The following AADAT variants were observed in gnomAD, a reference collection of about 807,000 sequenced individuals.
AADAT encodes kynurenine/alpha-aminoadipate aminotransferase, mitochondrial.
In AADAT, 25 loss-of-function variants were observed where a neutral mutation model predicts 56.2. That is an observed-to-expected ratio of 0.44 (90% CI 0.32 to 0.62). The LOEUF (loss-of-function observed/expected upper bound fraction) is 0.62, where lower values mean the gene tolerates loss of function less well. Ranked by LOEUF, AADAT falls within the 20% of genes least tolerant of loss-of-function variation. The probability of loss-of-function intolerance (pLI) is 0.04; values close to 1 mark genes in which losing one functional copy is unlikely to be tolerated. For missense variants in AADAT, 387 were observed against 510.5 expected (o/e 0.76, Z 2.33); for synonymous variants, 173 against 164.7 (o/e 1.05, Z -0.39).
intron 3 of AADAT, among the ~76,000 whole-genome samples, chr4:170,079,459 T>C (rs140368847): frequency 2.7e-4 from 41 of 152,162 alleles, no homozygotes; most frequent in African/African-American, 9.6e-4. Context: ...GGCTGCAGTA[T>C]GAAAGAATGA....
intron 5 of AADAT, among the ~76,000 whole-genome samples, chr4:170,072,441 A>G (rs1731823002): frequency 6.6e-6 from 1 of 152,118 alleles, no homozygotes; most frequent in South Asian, 2.1e-4. Flanking sequence ...AACCTGAGGC[A>G]ATATTTTGAA....
chr4:170,090,813 T>C (rs1264173553), upstream of AADAT, among the ~76,000 whole-genome samples: 2 of 152,224 alleles, frequency 1.3e-5, no homozygotes, highest in African/African-American at 2.4e-5. Context: ...AACCTCTCTT[T>C]GACTTTAAAA....
chr4:170,091,389 G>A (rs1239933645), upstream of AADAT, among the ~76,000 whole-genome samples: 7 of 152,216 alleles, frequency 4.6e-5, no homozygotes, highest in African/African-American at 1.7e-4. Context: ...AGCTGCGGAG[G>A]GTGTGCCCAG....
chr4:170,071,141 G>C (rs2111165708), intron 5 of AADAT, among the ~76,000 whole-genome samples: 1 of 152,298 alleles, frequency 6.6e-6, no homozygotes, highest in Admixed American at 6.5e-5. Context: ...TCAAACTCCT[G>C]ACCTCAAGTG....
upstream of AADAT, among the ~76,000 whole-genome samples, chr4:170,091,100 GCCT>G (rs1440960657): frequency 1.3e-5 from 2 of 152,226 alleles, no homozygotes; most frequent in Admixed American, 1.3e-4. Context: ...CACTCTTGGC[GCCT>G]CCTCGGCCTC....
chr4:170,089,642 A>C lies in AADAT; in HGVS notation c.49T>G (p.Ser17Ala). Reference sequence around the variant, plus strand: ...TTCTCACTCATGGTCCGGATGGGAGAAGGGTTTCTGGCTGCGCTCGCTGCC... The same window carrying C: ...TTCTCACTCATGGTCCGGATGGGAGCAGGGTTTCTGGCTGCGCTCGCTGCC... ...ITAASAARNP[S>A]PIRTMTDILS... The change falls in exon 1 of 13, where the codon TCT (serine) becomes GCT (alanine). Residue 17 changes from serine (S) to alanine (A), a missense_variant. Coordinates refer to ENST00000337664, the MANE Select transcript of AADAT (RefSeq NM_016228.4). The C allele has an allele frequency of 6.2e-7, 1 of 1,614,076 alleles. No individual in the cohort carries two copies. Among genetic ancestry groups the C allele is most frequent in the Non-Finnish European group, 8.5e-7 (1 of 1,180,006 alleles).
At chr4:170,061,097 T>G (rs1024629958) in intron 12 of AADAT, 128 bp from the exon 13 acceptor site, 9 of 566,350 alleles carry the variant, frequency 1.6e-5, no homozygotes, top group Non-Finnish European at 2.6e-5. Context: ...AAAAGTCAAG[T>G]TTAACATCAA....
upstream of AADAT, among the ~76,000 whole-genome samples, chr4:170,094,189 T>TG (rs1732941789): frequency 1.3e-5 from 2 of 152,138 alleles, no homozygotes; most frequent in Admixed American, 6.5e-5. Context: ...GCAGGGGCAC[T>TG]GGGGGGTCAT....
chr4:170,094,030 C>T (rs1732939363), upstream of AADAT, among the ~76,000 whole-genome samples: 1 of 152,124 alleles, frequency 6.6e-6, no homozygotes, highest in Non-Finnish European at 1.5e-5. Context: ...GGTTTTCAAC[C>T]CTTAAACAGT....
At chr4:170,092,996 C>T (rs142670109), upstream of AADAT, among the ~76,000 whole-genome samples, 413 of 152,178 alleles carry the variant, frequency 2.7e-3, 1 homozygote, top group Middle Eastern at 6.8e-3. Flanking sequence ...TAACAAGCAC[C>T]GGAAACATCT....
intron 4 of AADAT, among the ~76,000 whole-genome samples, chr4:170,076,990 G>A (rs1732068407): frequency 6.6e-6 from 1 of 152,094 alleles, no homozygotes; most frequent in Admixed American, 6.6e-5. Flanking sequence ...GAATGATCTT[G>A]GCACCCTTAC....
intron 3 of AADAT, among the ~76,000 whole-genome samples, chr4:170,079,468 G>C (rs1732190515): frequency 6.6e-6 from 1 of 152,168 alleles, no homozygotes; most frequent in African/African-American, 2.4e-5. Flanking sequence ...ATGAAAGAAT[G>C]AAAGAAGGGT....
At chr4:170,087,893 T>C (rs774011941) in intron 2 of AADAT, among the ~76,000 whole-genome samples, 9 of 151,802 alleles carry the variant, frequency 5.9e-5, no homozygotes, top group East Asian at 2.0e-4. Flanking sequence ...GTTTAGACTA[T>C]AGAAATGAAT....
intron 3 of AADAT, among the ~76,000 whole-genome samples, chr4:170,085,938 T>C (rs545354015): frequency 6.6e-6 from 1 of 152,288 alleles, no homozygotes; most frequent in South Asian, 2.1e-4. Context: ...ATGGGAGTCA[T>C]AGATTAATTT....
At chr4:170,075,385 A>G (rs1440811418) in intron 4 of AADAT, among the ~76,000 whole-genome samples, 3 of 152,184 alleles carry the variant, frequency 2.0e-5, no homozygotes, top group Non-Finnish European at 4.4e-5. Flanking sequence ...CCTGGGCTGA[A>G]GTGCAGTGGT....
At chr4:170,075,870 T>C (rs1443750033) in intron 4 of AADAT, among the ~76,000 whole-genome samples, 2 of 152,252 alleles carry the variant, frequency 1.3e-5, no homozygotes, top group Non-Finnish European at 2.9e-5. Flanking sequence ...TCTGGCTTCT[T>C]AAAGTTAAAA....
intron 6 of AADAT, among the ~76,000 whole-genome samples, chr4:170,069,822 A>G (rs1484038290): frequency 2.0e-5 from 3 of 152,174 alleles, no homozygotes; most frequent in African/African-American, 4.8e-5. Context: ...TAGAGAAATC[A>G]AGAGTTCTTA....
chr4:170,088,627 G>A, intron 1 of AADAT, 63 bp from the exon 2 acceptor site: 1 of 1,501,008 alleles, frequency 6.7e-7, no homozygotes, highest in Non-Finnish European at 9.2e-7. Flanking sequence ...GGATAGTTAA[G>A]CATGCATTAT....
At chr4:170,065,982 T>C (rs888416194) in intron 10 of AADAT, among the ~76,000 whole-genome samples, 4 of 152,306 alleles carry the variant, frequency 2.6e-5, no homozygotes, top group Admixed American at 1.3e-4. Context: ...AAGTTAGCAA[T>C]AGATAATACT....
Sources: gnomAD v4.1 joint callset for allele counts (sites outside exome capture counted in the v4.1 genomes callset) on GRCh38, gnomAD v4.1.1 for gene constraint, MANE v1.5 for transcripts, NCBI Gene and HGNC (gene_info 2026-07-23, HGNC 2026-07-21) for gene names.